The following SEMA5A variants were observed in gnomAD, a reference collection of about 807,000 sequenced individuals.
SEMA5A encodes the protein semaphorin-5A.
In SEMA5A, 55 loss-of-function variants were observed where a neutral mutation model predicts 135.5. That is an observed-to-expected ratio of 0.41 (90% CI 0.33 to 0.51). SEMA5A has a LOEUF of 0.51. Ranked by LOEUF, SEMA5A falls within the 20% of genes least tolerant of loss-of-function variation. SEMA5A has a pLI of 0.37. For missense variants in SEMA5A, 1,290 were observed against 1,419.9 expected, an observed-to-expected ratio of 0.91 and a Z score of 1.47; for synonymous variants, 580 against 546.5, an observed-to-expected ratio of 1.06 and a Z score of -0.85.
chr5:9,391,734 G>T (rs1244925134), intron 2 of SEMA5A, among the ~76,000 whole-genome samples: 1 of 152,152 alleles, frequency 6.6e-6, no homozygotes, highest in Non-Finnish European at 1.5e-5. Context: ...ATGTGCCTTG[G>T]TGTTTTTCAT....
chr5:9,420,746 G>A (rs548695041), intron 2 of SEMA5A, among the ~76,000 whole-genome samples: 15 of 152,262 alleles, frequency 9.9e-5, no homozygotes, highest in African/African-American at 3.6e-4. Flanking sequence ...CAGGCATGGT[G>A]GCTCATGCCT....
At chr5:9,231,722 C>A (rs959571930) in intron 6 of SEMA5A, among the ~76,000 whole-genome samples, 4 of 152,138 alleles carry the variant, frequency 2.6e-5, no homozygotes, top group African/African-American at 9.7e-5. Flanking sequence ...TTAAAGGTTT[C>A]TCTTATAAAT....
At chr5:9,094,827 G>A (rs1251468146) in intron 16 of SEMA5A, among the ~76,000 whole-genome samples, 4 of 152,150 alleles carry the variant, frequency 2.6e-5, no homozygotes, top group Non-Finnish European at 5.9e-5. Context: ...CCAAATAATA[G>A]TGTGTGGGAT....
chr5:9,270,586 C>T (rs779507638), intron 5 of SEMA5A, among the ~76,000 whole-genome samples: 1 of 151,966 alleles, frequency 6.6e-6, no homozygotes, highest in Admixed American at 6.6e-5. Flanking sequence ...TGGTTGGAAA[C>T]ACAGCATTCA....
At chr5:9,407,055 C>T (rs920631154) in intron 2 of SEMA5A, among the ~76,000 whole-genome samples, 3 of 152,170 alleles carry the variant, frequency 2.0e-5, no homozygotes, top group African/African-American at 4.8e-5. Context: ...GGATGCTTAG[C>T]GGTATTGCCT....
At chr5:9,456,488 G>A (rs1352662274) in intron 1 of SEMA5A, among the ~76,000 whole-genome samples, 4 of 143,638 alleles carry the variant, frequency 2.8e-5, no homozygotes, top group Non-Finnish European at 3.0e-5. Context: ...TAGAAAAAAA[G>A]GAAGGCTTCT....
In SEMA5A at chr5:9,190,439, G is replaced by A. The variant is rs147428542; in HGVS notation, c.1101C>T (p.Asn367=). The part of the protein sequence containing the change: ...CGTVDQGLYV[N]LTERNLQDAQ... ...CATCCTGCAGATTTCTCTCGGTCAG[G>A]TTCACGTACAGGCCCTGGTCCACGG... Residue 367 remains asparagine, a synonymous_variant, in exon 11 of 23, where the codon AAC becomes AAT. Coordinates refer to ENST00000382496, the MANE Select transcript of SEMA5A (RefSeq NM_003966.3). 5.6e-6 allele frequency: 9 copies of A among 1,613,622 alleles called. No individual in the cohort carries two copies. In the African/African-American group the frequency reaches 1.1e-4, roughly 19 times the overall value.
intron 13 of SEMA5A, among the ~76,000 whole-genome samples, chr5:9,124,346 T>TGGAAGGAGAGACTCATGGGGCAC (rs1386049678): frequency 1.2e-4 from 18 of 152,156 alleles, no homozygotes; most frequent in Non-Finnish European, 2.4e-4. Context: ...GCAGTGCTGC[T>TGGAAGGAGAGACTCATGGGGCAC]GGAAGGAGAG....
At chr5:9,452,717 A>G (rs1308275031) in intron 1 of SEMA5A, among the ~76,000 whole-genome samples, 1 of 152,240 alleles carries the variant, frequency 6.6e-6, no homozygotes, top group East Asian at 1.9e-4. Context: ...AAATTATATA[A>G]TAAGAGGAAC....
At chr5:9,163,186 C>T (rs1171518532) in intron 11 of SEMA5A, among the ~76,000 whole-genome samples, 2 of 151,824 alleles carry the variant, frequency 1.3e-5, no homozygotes, top group Non-Finnish European at 2.9e-5. Flanking sequence ...TATCAGGCTT[C>T]AAGCTCCCAT....
At chr5:9,224,970 C>A in intron 7 of SEMA5A, 83 bp from the exon 8 acceptor site, 2 of 1,318,598 alleles carry the variant, frequency 1.5e-6, no homozygotes, top group Non-Finnish European at 2.1e-6. Flanking sequence ...ACCATCATCA[C>A]AGTGACGCTT....
chr5:9,195,932 C>T (rs533982436), intron 10 of SEMA5A, among the ~76,000 whole-genome samples: 9 of 152,354 alleles, frequency 5.9e-5, no homozygotes, highest in East Asian at 5.8e-4. Context: ...ATCTGAGGAC[C>T]GAGGTTGGAA....
At chr5:9,258,803 C>CTTTTT (rs748703578) in intron 5 of SEMA5A, among the ~76,000 whole-genome samples, 3,978 of 48,950 alleles carry the variant, frequency 0.081, 841 homozygotes, top group Non-Finnish European at 0.093. Context: ...TTCTTTCTTT[C>CTTTTT]TTTTTTTTTT....
intron 1 of SEMA5A, among the ~76,000 whole-genome samples, chr5:9,503,228 C>G (rs568991560): frequency 7.9e-5 from 12 of 152,150 alleles, no homozygotes; most frequent in Non-Finnish European, 2.9e-5. Flanking sequence ...TTCTTCACCC[C>G]CCAGGAGGAA....
intron 1 of SEMA5A, among the ~76,000 whole-genome samples, chr5:9,487,631 T>C (rs765546633): frequency 6.6e-6 from 1 of 152,188 alleles, no homozygotes; most frequent in African/African-American, 2.4e-5. Flanking sequence ...TAAGTGAAAG[T>C]GTTAAGTGTG....
chr5:9,318,199 G>A (rs770250380), intron 5 of SEMA5A, among the ~76,000 whole-genome samples, 173 bp downstream of exon 5: 7 of 152,182 alleles, frequency 4.6e-5, no homozygotes, highest in Non-Finnish European at 1.0e-4. Context: ...AATTAAGGGA[G>A]GTAATGACTC....
At chr5:9,257,241 G>C (rs1003578205) in intron 5 of SEMA5A, among the ~76,000 whole-genome samples, 10 of 152,190 alleles carry the variant, frequency 6.6e-5, no homozygotes, top group Non-Finnish European at 1.3e-4. Context: ...AATAAACACA[G>C]AGAAAACTCT....
chr5:9,252,510 G>C (rs1274608337), intron 5 of SEMA5A, among the ~76,000 whole-genome samples: 1 of 152,184 alleles, frequency 6.6e-6, no homozygotes, highest in African/African-American at 2.4e-5. Context: ...TGTGGGTTAA[G>C]ATCTTTACAC....
intron 5 of SEMA5A, among the ~76,000 whole-genome samples, chr5:9,296,459 A>G (rs994671207): frequency 2.6e-5 from 4 of 152,234 alleles, no homozygotes; most frequent in African/African-American, 9.6e-5. Flanking sequence ...ATAATTTATA[A>G]CTATAAATAT....
Sources: allele counts gnomAD v4.1 joint callset (sites outside exome capture counted in the v4.1 genomes callset), GRCh38; gene constraint gnomAD v4.1.1; transcripts MANE v1.5; gene names NCBI Gene and HGNC (gene_info 2026-07-23, HGNC 2026-07-21).